The following CACNA1D variants were observed in gnomAD, a reference collection of about 807,000 sequenced individuals.
CACNA1D encodes calcium voltage-gated channel subunit alpha1 D, also known as voltage-dependent L-type calcium channel subunit alpha-1D.
CACNA1D carries 55 observed loss-of-function variants against 257.1 expected under a neutral mutation model. That is an observed-to-expected ratio of 0.21 (90% confidence interval 0.17 to 0.27). The LOEUF (loss-of-function observed/expected upper bound fraction) is 0.27. Among genes scored for constraint, CACNA1D ranks in the 10% least tolerant of loss-of-function variants. The pLI is 1.00. For missense variants in CACNA1D, 1,876 were observed against 2,784.0 expected, an observed-to-expected ratio of 0.67 and a Z score of 7.34; for synonymous variants, 980 against 1,014.9, an observed-to-expected ratio of 0.97 and a Z score of 0.65.
chr3:53,699,245 C>T (rs762964412), intron 8 of CACNA1D, among the ~76,000 whole-genome samples: 9 of 152,158 alleles, frequency 5.9e-5, no homozygotes, highest in South Asian at 2.1e-4. Flanking sequence ...CCAATCCTAA[C>T]GGGTTTGTGG....
At chr3:53,624,892 A>G (rs964880064) in intron 3 of CACNA1D, among the ~76,000 whole-genome samples, 1 of 152,238 alleles carries the variant, frequency 6.6e-6, no homozygotes, top group African/African-American at 2.4e-5. Flanking sequence ...AATCCAAAGC[A>G]TTCCAGTGAC....
At chr3:53,624,674 T>G (rs1337834622) in intron 3 of CACNA1D, among the ~76,000 whole-genome samples, 2 of 152,228 alleles carry the variant, frequency 1.3e-5, no homozygotes, top group Non-Finnish European at 2.9e-5. Context: ...CTCAATGGCA[T>G]TACCGTAATT....
rs1017154823 is a variant in CACNA1D, at chr3:53,811,013, G to A, written c.6193-100G>A. The stretch of plus-strand genomic sequence containing the variant: ...ATTGAGCTGCATCCCCAAAGCACAC[G>A]GTGCAGTTAAGTTAGCACTGGAGTT... On this transcript the variant is annotated intron_variant, in intron 47 of 47. Coordinates refer to ENST00000350061, the MANE Select transcript of CACNA1D (RefSeq NM_001128840.3). The surrounding 1 kb of genome is among the most constrained non-coding windows in gnomAD (Gnocchi z 4.2). The A allele has an allele frequency of 1.7e-5, 15 of 872,750 alleles. No homozygotes were observed. The highest frequency in any genetic ancestry group is 5.0e-5 in the African/African-American group (3 of 60,604). 54.1% of individuals were successfully genotyped at this position (872,750 alleles called of 1,614,324 possible).
intron 16 of CACNA1D, 48 bp downstream of exon 16, chr3:53,730,604 G>A (rs1173660084): frequency 4.3e-6 from 6 of 1,381,528 alleles, no homozygotes; most frequent in South Asian, 1.2e-5. Flanking sequence ...TGTGTTGGGA[G>A]CCCTGCAACA....
intron 3 of CACNA1D, among the ~76,000 whole-genome samples, chr3:53,633,210 G>C (rs2093842142): frequency 6.6e-6 from 1 of 152,220 alleles, no homozygotes; most frequent in Non-Finnish European, 1.5e-5. Flanking sequence ...ACCAAGGCAA[G>C]GGCTGGGTGT....
At chr3:53,691,788 ATATATATTACATATATAATATATAT>A (rs1215294783) in intron 8 of CACNA1D, among the ~76,000 whole-genome samples, 12 of 108,358 alleles carry the variant, frequency 1.1e-4, no homozygotes, top group Admixed American at 2.6e-4. Flanking sequence ...TATCTATAAT[ATATATATTACATATATAATATATAT>A]TATATATTAT....
At chr3:53,732,204 A>G in intron 18 of CACNA1D, 122 bp downstream of exon 18, 1 of 761,420 alleles carries the variant, frequency 1.3e-6, no homozygotes, top group Non-Finnish European at 2.4e-6. Flanking sequence ...TGAGGCCACC[A>G]AGGCCGTGGG....
chr3:53,512,114 C>T (rs2091137781), intron 3 of CACNA1D, among the ~76,000 whole-genome samples: 3 of 152,228 alleles, frequency 2.0e-5, no homozygotes, highest in Admixed American at 6.5e-5. Flanking sequence ...TCTTTTTTCA[C>T]GATAATGCAA....
intron 3 of CACNA1D, among the ~76,000 whole-genome samples, chr3:53,515,474 C>G (rs2091295943): frequency 6.6e-6 from 1 of 152,180 alleles, no homozygotes; most frequent in Non-Finnish European, 1.5e-5. Flanking sequence ...CTCACAGCAG[C>G]CTTGTGAACA....
Position 53,813,542 on chromosome 3 carries a change from T to G in CACNA1D, c.*2136T>G, listed in dbSNP as rs2095609957. ...ATCCTGGACTCTGTGTCTCTCTCTG[T>G]TGGGTCTTGTGGCATCACATCAGGC... is the stretch of plus-strand genomic sequence containing the variant. On this transcript the variant is annotated 3_prime_UTR_variant, in exon 48 of 48. Transcript: ENST00000350061. The G allele has an allele frequency of 6.6e-6, 1 of 152,254 alleles. No individual in the cohort carries two copies. Among genetic ancestry groups the G allele is most frequent in the Non-Finnish European group, 1.5e-5 (1 of 68,060 alleles). The allele number at this position is 152,254 out of a possible 1,614,324, so 9.4% of individuals were successfully genotyped here.
intron 7 of CACNA1D, among the ~76,000 whole-genome samples, chr3:53,670,799 A>C (rs556124180): frequency 6.6e-6 from 1 of 152,340 alleles, no homozygotes; most frequent in Non-Finnish European, 1.5e-5. Flanking sequence ...ATTGTTGATA[A>C]AGACCATACA....
intron 25 of CACNA1D, among the ~76,000 whole-genome samples, chr3:53,746,656 G>A (rs549952384): frequency 2.0e-5 from 3 of 152,330 alleles, no homozygotes; most frequent in East Asian, 1.9e-4. Flanking sequence ...CAGAGGCACC[G>A]TTCACACACC....
intron 3 of CACNA1D, among the ~76,000 whole-genome samples, chr3:53,591,318 C>G (rs1175668483): frequency 6.6e-6 from 1 of 152,044 alleles, no homozygotes; most frequent in South Asian, 2.1e-4. Flanking sequence ...AGTGGCATGA[C>G]CTTGGCTCAC....
chr3:53,713,861 C>A (rs2094789838), intron 9 of CACNA1D, among the ~76,000 whole-genome samples: 2 of 152,270 alleles, frequency 1.3e-5, no homozygotes, highest in South Asian at 2.1e-4. Context: ...CTGCTGTCTG[C>A]CACCATCCTC....
chr3:53,594,491 A>G (rs545555249), intron 3 of CACNA1D, among the ~76,000 whole-genome samples: 3 of 152,348 alleles, frequency 2.0e-5, no homozygotes, highest in African/African-American at 7.2e-5. Flanking sequence ...TGGAGCTTCC[A>G]TTCTACTCAG....
intron 3 of CACNA1D, among the ~76,000 whole-genome samples, chr3:53,598,426 A>G (rs960089984): frequency 6.6e-6 from 1 of 151,216 alleles, no homozygotes; most frequent in Non-Finnish European, 1.5e-5. Context: ...AAAAAAAAAA[A>G]CCCAAAAATT....
chr3:53,763,247 T>C (rs2095313988), intron 30 of CACNA1D, among the ~76,000 whole-genome samples: 1 of 152,232 alleles, frequency 6.6e-6, no homozygotes, highest in African/African-American at 2.4e-5. Flanking sequence ...AGGGTGTCAG[T>C]CCGCCTTTGT....
At chr3:53,606,335 C>CA (rs1421533854) in intron 3 of CACNA1D, among the ~76,000 whole-genome samples, 18 of 152,226 alleles carry the variant, frequency 1.2e-4, no homozygotes, top group African/African-American at 4.3e-4. Flanking sequence ...GAGGCCATGT[C>CA]AGTTACGATT....
chr3:53,704,555 AGCTCTCCCCTTG>A (rs1480128630), intron 9 of CACNA1D, among the ~76,000 whole-genome samples: 1 of 152,190 alleles, frequency 6.6e-6, no homozygotes, highest in African/African-American at 2.4e-5. Flanking sequence ...TCCTCTGCAC[AGCTCTCCCCTTG>A]GCAGTTGAGC....
Sources: allele counts gnomAD v4.1 joint callset (sites outside exome capture counted in the v4.1 genomes callset), GRCh38; gene constraint gnomAD v4.1.1; non-coding constraint Gnocchi (gnomAD v3.1); transcripts MANE v1.5; gene names NCBI Gene and HGNC (gene_info 2026-07-23, HGNC 2026-07-21).